PHACTR4: variants seen among roughly 807,000 people sequenced by gnomAD.
PHACTR4 encodes the protein phosphatase and actin regulator 4.
A neutral mutation model predicts 72.7 loss-of-function variants in PHACTR4; 51 were observed. The observed-to-expected ratio is 0.70, with a 90% CI of 0.56 to 0.89. The LOEUF (loss-of-function observed/expected upper bound fraction) is 0.89, where lower values mean the gene tolerates loss of function less well. PHACTR4 is among the 40% of genes least tolerant of loss of function. The pLI is 0.00. For missense variants in PHACTR4, 731 were observed against 861.8 expected (o/e 0.85, Z 1.90); for synonymous variants, 255 against 302.5 (o/e 0.84, Z 1.63).
At chr1:28,486,869 A>C (rs1037164860) in intron 9 of PHACTR4, among the ~76,000 whole-genome samples, 2 of 151,654 alleles carry the variant, frequency 1.3e-5, no homozygotes, top group Non-Finnish European at 2.9e-5. Context: ...AAAAAAAAAA[A>C]CAGGAAGGTC....
Position 28,396,845 on chromosome 1 carries a change from C to CTTTT in PHACTR4, c.-38-10549_-38-10546dup, listed in dbSNP as rs60578939. ...GGCTAATTTCTTTCTTTCTTTCTTT[C>CTTTT]TTTTTTTTTTTTTTTTTTTGTATTT... On this transcript the variant is annotated intron_variant, in intron 1 of 13. Transcript: ENST00000373839. Among the ~76,000 whole-genome samples, 64 of 119,666 alleles carry CTTTT rather than the reference C, an allele frequency of 5.3e-4. 1 individual carries two copies. Among genetic ancestry groups the CTTTT allele is most frequent in the African/African-American group, 9.5e-4 (29 of 30,638 alleles). The allele number at this position is 119,666 out of a possible 152,430, so 78.5% of individuals were successfully genotyped here. A position where few individuals can be genotyped will look rare whatever the true frequency, so the allele number is the denominator to read the frequency against.
intron 2 of PHACTR4, among the ~76,000 whole-genome samples, chr1:28,433,350 G>A (rs1285959799): frequency 6.6e-6 from 1 of 151,770 alleles, no homozygotes; most frequent in East Asian, 1.9e-4. Context: ...TTAGCACAGA[G>A]TAAATACTGA....
chr1:28,469,601 G>A (rs1659433191), intron 6 of PHACTR4, among the ~76,000 whole-genome samples: 1 of 152,122 alleles, frequency 6.6e-6, no homozygotes, highest in African/African-American at 2.4e-5. Flanking sequence ...GGTCTCATCA[G>A]GAATGAGTTT....
chr1:28,429,512 T>G (rs933096299), intron 2 of PHACTR4, among the ~76,000 whole-genome samples: 3 of 152,190 alleles, frequency 2.0e-5, no homozygotes, highest in Non-Finnish European at 4.4e-5. Context: ...TGATGGGCTA[T>G]TCTATCCATG....
intron 2 of PHACTR4, among the ~76,000 whole-genome samples, chr1:28,410,366 A>C (rs186952948): frequency 6.6e-6 from 1 of 152,320 alleles, no homozygotes; most frequent in Admixed American, 6.5e-5. Flanking sequence ...TCTAAAGAAC[A>C]TGACCATATG....
At chr1:28,392,355 C>A (rs1466479689) in intron 1 of PHACTR4, among the ~76,000 whole-genome samples, 1 of 151,568 alleles carries the variant, frequency 6.6e-6, no homozygotes, top group Non-Finnish European at 1.5e-5. Flanking sequence ...CCCCAAAGTG[C>A]AAGAGTAGTG....
intron 2 of PHACTR4, among the ~76,000 whole-genome samples, chr1:28,445,143 C>T (rs931210160): frequency 2.0e-5 from 3 of 151,792 alleles, no homozygotes; most frequent in East Asian, 3.9e-4. Context: ...TAGGTAGAGA[C>T]GGGGTTTCAC....
intron 4 of PHACTR4, among the ~76,000 whole-genome samples, chr1:28,462,059 G>A (rs550635999): frequency 4.6e-5 from 7 of 151,702 alleles, no homozygotes; most frequent in Admixed American, 1.3e-4. Context: ...CCAGGCTGGA[G>A]TGCAGTGGTG....
At chr1:28,399,291 G>A (rs1244645591) in intron 1 of PHACTR4, among the ~76,000 whole-genome samples, 1 of 152,082 alleles carries the variant, frequency 6.6e-6, no homozygotes, top group Admixed American at 6.5e-5. Flanking sequence ...CAGCCTGGGC[G>A]ACAGAGCAAG....
chr1:28,419,050 T>TTTTTTTTTTTTTTTTTTGAG (rs1210043704), intron 2 of PHACTR4, among the ~76,000 whole-genome samples: 49 of 147,126 alleles, frequency 3.3e-4, no homozygotes, highest in African/African-American at 6.7e-4. Flanking sequence ...GATTTTTTTC[T>TTTTTTTTTTTTTTTTTTGAG]AGGGAAGTTT....
At chr1:28,483,265 C>G (rs1338374791) in intron 9 of PHACTR4, among the ~76,000 whole-genome samples, 1 of 151,918 alleles carries the variant, frequency 6.6e-6, no homozygotes, top group Non-Finnish European at 1.5e-5. Context: ...CATGGTGACA[C>G]ACGTTTATGG....
rs576705772 is a variant in PHACTR4 at position 28,495,165 on chromosome 1, G to C, written c.2094-1369G>C. Among the ~76,000 whole-genome samples, 3 of 152,278 alleles carry C rather than the reference G, an allele frequency of 2.0e-5. No homozygotes were observed. In the South Asian group the frequency reaches 6.2e-4, roughly 32 times the overall value. ...GTGATAAGTTTAGCTGAACAGTTTA[G>C]TTTATTCAACAAATACTGAGCACCT... On this transcript the variant is annotated intron_variant, in intron 13 of 13. Transcript: ENST00000373839.
intron 1 of PHACTR4, among the ~76,000 whole-genome samples, chr1:28,378,106 A>T (rs1359540722): frequency 2.0e-5 from 3 of 149,678 alleles, no homozygotes; most frequent in African/African-American, 7.5e-5. Flanking sequence ...CTGAGGCAGG[A>T]GAATGGCGTG....
At chr1:28,382,677 C>T (rs796899999) in intron 1 of PHACTR4, among the ~76,000 whole-genome samples, 21 of 152,004 alleles carry the variant, frequency 1.4e-4, no homozygotes, top group African/African-American at 5.1e-4. Context: ...TTTGTAGTTT[C>T]GGGTTTTACA....
At chr1:28,427,355 G>T (rs796589680) in intron 2 of PHACTR4, among the ~76,000 whole-genome samples, 14 of 151,814 alleles carry the variant, frequency 9.2e-5, no homozygotes, top group African/African-American at 3.4e-4. Flanking sequence ...GTGAAACCCC[G>T]TCTCTACTAA....
At chr1:28,493,120 G>A (rs1385516934) in intron 13 of PHACTR4, 29 bp downstream of exon 13, 1 of 1,585,378 alleles carries the variant, frequency 6.3e-7, no homozygotes, top group Non-Finnish European at 8.7e-7. Flanking sequence ...AATCATATAT[G>A]TGCTAGGTAG....
chr1:28,476,272 T>C lies in PHACTR4; in HGVS notation c.1587T>C (p.Asp529=), dbSNP rs1343181942. 1 of 1,599,892 alleles carries C rather than the reference T, an allele frequency of 6.3e-7. No individual in the cohort carries two copies. Among genetic ancestry groups the C allele is most frequent in the Non-Finnish European group, 8.5e-7 (1 of 1,176,134 alleles). ...CCATTCAGTACCGAGATGAAGAAGATGAAGATGAAAGCTATCAGAGTAAGA... is the reference window on the plus strand; with the variant it reads ...CCATTCAGTACCGAGATGAAGAAGACGAAGATGAAAGCTATCAGAGTAAGA... The part of the protein sequence containing the change: ...EGPIQYRDEE[D]EDESYQSALA... The change falls in exon 8 of 14, where the codon GAT becomes GAC. Residue 529 remains aspartate, a synonymous_variant. Transcript: ENST00000373839.
In PHACTR4 at chr1:28,498,387, C is replaced by T. The variant is rs1169935059; in HGVS notation, c.*1838C>T. 1 of 152,608 alleles carries T rather than the reference C, an allele frequency of 6.6e-6. No individual in the cohort carries two copies. The highest frequency in any genetic ancestry group is 2.4e-5 in the African/African-American group (1 of 41,464). The allele number at this position is 152,608 out of a possible 1,614,324, so 9.5% of individuals were successfully genotyped here. On this transcript the variant is annotated 3_prime_UTR_variant, in exon 14 of 14. Coordinates refer to ENST00000373839, the MANE Select transcript of PHACTR4 (RefSeq NM_001048183.3). ...TCTCTGGCAGCTTCCACCTCACCCG[C>T]CCCTCTTCCACACTATAACCAGTAT... is the stretch of plus-strand genomic sequence containing the variant.
intron 1 of PHACTR4, among the ~76,000 whole-genome samples, chr1:28,394,747 C>T (rs1478795357): frequency 6.6e-6 from 1 of 151,854 alleles, no homozygotes; most frequent in East Asian, 1.9e-4. Flanking sequence ...CAGGCATGTG[C>T]CACCACGCCT....
Sources: allele counts gnomAD v4.1 joint callset (sites outside exome capture counted in the v4.1 genomes callset), GRCh38; gene constraint gnomAD v4.1.1; transcripts MANE v1.5; gene names NCBI Gene and HGNC (gene_info 2026-07-23, HGNC 2026-07-21).